Variants in SERTM1 observed in about 807,000 individuals in gnomAD.
SERTM1 encodes the protein serine rich and transmembrane domain containing 1.
A neutral mutation model predicts 5.5 loss-of-function variants in SERTM1; 1 was observed. That is an observed-to-expected ratio of 0.18 (90% confidence interval 0.06 to 0.86). The LOEUF (loss-of-function observed/expected upper bound fraction) is 0.86. Among genes scored for constraint, SERTM1 ranks in the 40% least tolerant of loss-of-function variants. The pLI is 0.69. For synonymous variants in SERTM1, 52 were observed against 55.1 expected, an observed-to-expected ratio of 0.94 and a Z score of 0.25; for missense variants, 91 against 122.4, an observed-to-expected ratio of 0.74 and a Z score of 1.21.
rs544502791 is a variant in SERTM1 at position 36,696,405 on chromosome 13, G to T, written c.*1003G>T. On this transcript the variant is annotated 3_prime_UTR_variant, in exon 2 of 2. Coordinates refer to ENST00000315190, the MANE Select transcript of SERTM1 (RefSeq NM_203451.3). The stretch of plus-strand genomic sequence containing the variant: ...GGTTGTAAAACTTAGAAACTAAATT[G>T]CAAATATATGTGTTATTATATACTC... 1 of 165,364 alleles carries T rather than the reference G, an allele frequency of 6.0e-6. No individual in the cohort carries two copies. Among genetic ancestry groups the T allele is most frequent in the Non-Finnish European group, 1.5e-5 (1 of 68,088 alleles). The allele number at this position is 165,364 out of a possible 1,614,324, so 10.2% of individuals were successfully genotyped here.
chr13:36,695,357 C>T lies in SERTM1; in HGVS notation c.279C>T (p.Cys93=). ...GTTCTTTCACCAATTTGGAAGTCTG[C>T]AGCATTTCCTCTCAGAGGTCCACTT... is the stretch of plus-strand genomic sequence containing the variant. The part of the protein sequence containing the change: ...AGSSFTNLEV[C]SISSQRSTFS... The change falls in exon 2 of 2, where the codon TGC becomes TGT. Residue 93 remains cysteine (C), a synonymous_variant. Transcript: ENST00000315190. The T allele has an allele frequency of 6.2e-7, 1 of 1,614,130 alleles. No individual in the cohort carries two copies. Among genetic ancestry groups the T allele is most frequent in the Non-Finnish European group, 8.5e-7 (1 of 1,179,998 alleles).
intron 1 of SERTM1, among the ~76,000 whole-genome samples, chr13:36,683,565 TG>T (rs1324475830): frequency 6.6e-6 from 1 of 152,140 alleles, no homozygotes; most frequent in Admixed American, 6.5e-5. Flanking sequence ...TAAGTGTCAA[TG>T]GGGCCAGCAA....
intron 1 of SERTM1, among the ~76,000 whole-genome samples, chr13:36,687,532 C>T (rs1279670238): frequency 6.6e-6 from 1 of 151,714 alleles, no homozygotes; most frequent in Non-Finnish European, 1.5e-5. Flanking sequence ...TGTGCCTATA[C>T]ACATGATCTT....
chr13:36,683,813 C>T (rs2056721976), intron 1 of SERTM1, among the ~76,000 whole-genome samples: 1 of 152,158 alleles, frequency 6.6e-6, no homozygotes, highest in Non-Finnish European at 1.5e-5. Context: ...TACGACAGGC[C>T]TACGAGAAGG....
At chr13:36,686,803 T>C (rs2138091975) in intron 1 of SERTM1, among the ~76,000 whole-genome samples, 1 of 152,270 alleles carries the variant, frequency 6.6e-6, no homozygotes, top group African/African-American at 2.4e-5. Flanking sequence ...TGATCCAAGA[T>C]CCACCAAGGA....
intron 1 of SERTM1, among the ~76,000 whole-genome samples, chr13:36,675,203 T>G (rs1022838590): frequency 6.7e-6 from 1 of 149,294 alleles, no homozygotes; most frequent in African/African-American, 2.5e-5. Flanking sequence ...GAAAATGTTC[T>G]GCTAAAGTAA....
chr13:36,675,226 T>A (rs981371582), intron 1 of SERTM1, among the ~76,000 whole-genome samples: 10 of 152,220 alleles, frequency 6.6e-5, no homozygotes, highest in African/African-American at 2.4e-4. Flanking sequence ...ACTTCAGTGT[T>A]CTTTGTGGTA....
intron 1 of SERTM1, among the ~76,000 whole-genome samples, chr13:36,677,384 T>C (rs987392896): frequency 2.0e-5 from 3 of 152,192 alleles, no homozygotes; most frequent in Admixed American, 6.5e-5. Flanking sequence ...ATTTTCTGAG[T>C]TCCTAACTTT....
intron 1 of SERTM1, among the ~76,000 whole-genome samples, chr13:36,683,979 TG>T (rs1593394274): frequency 6.6e-6 from 1 of 152,204 alleles, no homozygotes; most frequent in East Asian, 1.9e-4. Context: ...TCTAAGTGGT[TG>T]GGTGAGCTTG....
intron 1 of SERTM1, among the ~76,000 whole-genome samples, chr13:36,675,135 A>G (rs1373269441): frequency 1.3e-5 from 2 of 152,138 alleles, no homozygotes; most frequent in Non-Finnish European, 2.9e-5. Context: ...CTCAGACTCT[A>G]GAGATGGGGT....
chr13:36,693,358 C>G (rs972506784), intron 1 of SERTM1, among the ~76,000 whole-genome samples: 3 of 151,804 alleles, frequency 2.0e-5, no homozygotes, highest in Non-Finnish European at 4.4e-5. Context: ...AACAGTGTAA[C>G]ACATTTGCAG....
At position 36,681,528 on chromosome 13, in the gene SERTM1, T is replaced by A. The variant is rs183995565; in HGVS notation, c.-174+7344T>A. Among the ~76,000 whole-genome samples, 200 of 152,348 alleles carry A rather than the reference T, an allele frequency of 1.3e-3. 4 individuals are homozygous for A. The highest frequency in any genetic ancestry group is 1.6e-4 in the Non-Finnish European group (11 of 68,032). On this transcript the variant is annotated intron_variant, in intron 1 of 1. Coordinates refer to ENST00000315190, the MANE Select transcript of SERTM1 (RefSeq NM_203451.3). The stretch of plus-strand genomic sequence containing the variant: ...GGTTTGGTTTGGTTTAGCATTGAGA[T>A]GGAGTAGCTAACAATCCTATGGTAT...
chr13:36,675,596 T>A (rs1168587715), intron 1 of SERTM1, among the ~76,000 whole-genome samples: 3 of 152,216 alleles, frequency 2.0e-5, no homozygotes, highest in Non-Finnish European at 2.9e-5. Context: ...CCATAGAGGT[T>A]CTTAAATATC....
chr13:36,678,789 T>C (rs1217921864), intron 1 of SERTM1, among the ~76,000 whole-genome samples: 1 of 151,860 alleles, frequency 6.6e-6, no homozygotes, highest in East Asian at 1.9e-4. Context: ...ATGGACATTT[T>C]AGTAGCTTCA....
intron 1 of SERTM1, among the ~76,000 whole-genome samples, chr13:36,675,523 A>T (rs1451591686): frequency 6.6e-6 from 1 of 152,080 alleles, no homozygotes; most frequent in Non-Finnish European, 1.5e-5. Context: ...TCTGAAAAAA[A>T]CAATATTTAA....
At chr13:36,674,669 T>C (rs2056658878) in intron 1 of SERTM1, among the ~76,000 whole-genome samples, 1 of 152,084 alleles carries the variant, frequency 6.6e-6, no homozygotes, top group African/African-American at 2.4e-5. Flanking sequence ...TTTGCTCCTG[T>C]CTGATTTTCT....
In SERTM1 at chr13:36,697,742, G is replaced by T. The variant is rs1488119281; in HGVS notation, c.*2340G>T. 1 of 166,976 alleles carries T rather than the reference G, an allele frequency of 6.0e-6. No homozygotes were observed. The highest frequency in any genetic ancestry group is 2.4e-5 in the African/African-American group (1 of 41,434). The allele number at this position is 166,976 out of a possible 1,614,324, so 10.3% of individuals were successfully genotyped here. A position where few individuals can be genotyped will look rare whatever the true frequency, so the allele number is the denominator to read the frequency against. ...GATTTGTCATTAGAAGCTTGCCAAG[G>T]TAACAGATTGTACAACTTGAGATGA... On this transcript the variant is annotated 3_prime_UTR_variant, in exon 2 of 2. Coordinates refer to ENST00000315190, the MANE Select transcript of SERTM1 (RefSeq NM_203451.3).
At chr13:36,674,356 CCAAA>C (rs2056656744) in intron 1 of SERTM1, among the ~76,000 whole-genome samples, 172 bp downstream of exon 1, 1 of 152,066 alleles carries the variant, frequency 6.6e-6, no homozygotes, top group Admixed American at 6.5e-5. Flanking sequence ...AGAAACACCC[CCAAA>C]TCTATCCCTT....
chr13:36,687,078 G>C lies in SERTM1; in HGVS notation c.-173-7828G>C, dbSNP rs183201093. ...TATTTGGCAAAATTCATATGTATAT[G>C]TTATGCCAAACACTTGGCTAATATC... On this transcript the variant is annotated intron_variant, in intron 1 of 1. Coordinates refer to ENST00000315190, the MANE Select transcript of SERTM1 (RefSeq NM_203451.3). 5.9e-3 allele frequency among the ~76,000 whole-genome samples: 894 copies of C among 152,272 alleles called. 30 individuals carry two copies. The highest frequency in any genetic ancestry group is 0.054 in the Admixed American group (825 of 15,280).
Sources: allele counts gnomAD v4.1 joint callset (sites outside exome capture counted in the v4.1 genomes callset), GRCh38; gene constraint gnomAD v4.1.1; transcripts MANE v1.5; gene names NCBI Gene and HGNC (gene_info 2026-07-23, HGNC 2026-07-21).